Variants in CEMIP observed in about 807,000 individuals in gnomAD.
The protein encoded by CEMIP is cell migration-inducing and hyaluronan-binding protein.
CEMIP carries 105 observed loss-of-function variants against 156.9 expected under a neutral mutation model. The ratio of observed to expected loss-of-function variants is 0.67; its 90% CI spans 0.57 to 0.79. The LOEUF (loss-of-function observed/expected upper bound fraction) is 0.79, where lower values mean the gene tolerates loss of function less well. Among genes scored for constraint, CEMIP ranks in the 30% least tolerant of loss-of-function variants. The pLI is 0.00. For missense variants in CEMIP, 1,457 were observed against 1,769.4 expected (o/e 0.82, Z 3.17); for synonymous variants, 676 against 668.4 (o/e 1.01, Z -0.17).
intron 1 of CEMIP, among the ~76,000 whole-genome samples, chr15:80,839,987 G>A (rs1897359974): frequency 6.6e-6 from 1 of 152,194 alleles, no homozygotes; most frequent in South Asian, 2.1e-4. Flanking sequence ...CACCCAGCTG[G>A]GAAAGGTGGG....
chr15:80,944,501 G>A (rs923938049), intron 28 of CEMIP, among the ~76,000 whole-genome samples: 34 of 152,146 alleles, frequency 2.2e-4, no homozygotes, highest in African/African-American at 8.2e-4. Flanking sequence ...TGTGGTACCT[G>A]CTACATAGTA....
At chr15:80,875,611 C>T (rs1056707751) in intron 3 of CEMIP, among the ~76,000 whole-genome samples, 4 of 152,106 alleles carry the variant, frequency 2.6e-5, no homozygotes, top group Non-Finnish European at 4.4e-5. Flanking sequence ...GCCTCTGGTT[C>T]CCTCTGGCCT....
At chr15:80,919,385 A>C (rs1282733939) in intron 14 of CEMIP, among the ~76,000 whole-genome samples, 1 of 152,160 alleles carries the variant, frequency 6.6e-6, no homozygotes. Context: ...TGTGTGCTCC[A>C]TCAGGGTGGG....
chr15:80,814,252 C>T (rs992933147), intron 1 of CEMIP, among the ~76,000 whole-genome samples: 5 of 151,590 alleles, frequency 3.3e-5, no homozygotes, highest in African/African-American at 9.7e-5. Context: ...GGTTTCACCA[C>T]GTTAGCCAGG....
Position 80,873,937 on chromosome 15 carries a change from C to T in CEMIP, c.58C>T (p.Leu20Phe), listed in dbSNP as rs140931620. ...CAAGGCCATGCTGACCATCAGCTGG[C>T]TCACTCTGACCTGCTTCCCTGGGGC... ...LFKAMLTISW[L>F]TLTCFPGATS... Residue 20 changes from leucine (L) to phenylalanine (F), a missense_variant, in exon 3 of 30, where the codon CTC (leucine) becomes TTC (phenylalanine). Coordinates refer to ENST00000394685, the MANE Select transcript of CEMIP (RefSeq NM_001293298.2). 79 of 1,575,558 alleles carry T rather than the reference C, an allele frequency of 5.0e-5. No individual in the cohort carries two copies. In the African/African-American group the frequency reaches 9.9e-4, roughly 20 times the overall value.
chr15:80,797,735 C>G (rs1239242134), intron 1 of CEMIP, among the ~76,000 whole-genome samples: 2 of 152,196 alleles, frequency 1.3e-5, no homozygotes, highest in African/African-American at 4.8e-5. Flanking sequence ...GTGCCCATAA[C>G]AGCCCAGGGT....
At chr15:80,869,302 G>A (rs1450369370) in intron 1 of CEMIP, among the ~76,000 whole-genome samples, 1 of 152,174 alleles carries the variant, frequency 6.6e-6, no homozygotes, top group African/African-American at 2.4e-5. Context: ...TTCCACATAT[G>A]AATTTGGGGA....
intron 9 of CEMIP, 60 bp from the exon 10 acceptor site, chr15:80,889,411 A>G (rs1898959256): frequency 6.2e-7 from 1 of 1,611,578 alleles, no homozygotes; most frequent in South Asian, 1.1e-5. Flanking sequence ...GACAACACTG[A>G]GTGTGACTTG....
intron 1 of CEMIP, among the ~76,000 whole-genome samples, chr15:80,806,983 C>G (rs1015309513): frequency 2.6e-5 from 4 of 152,152 alleles, no homozygotes; most frequent in African/African-American, 9.7e-5. Context: ...AGAGCCTCAG[C>G]TTACAACACA....
At chr15:80,935,920 T>C (rs539189262) in intron 23 of CEMIP, among the ~76,000 whole-genome samples, 1 of 152,274 alleles carries the variant, frequency 6.6e-6, no homozygotes, top group Non-Finnish European at 1.5e-5. Context: ...GTATTTTTAG[T>C]AGAGGCAGGG....
chr15:80,786,772 C>A (rs1440755540), intron 1 of CEMIP, among the ~76,000 whole-genome samples: 1 of 152,112 alleles, frequency 6.6e-6, no homozygotes, highest in Admixed American at 6.5e-5. Flanking sequence ...GAGGGACAAA[C>A]AAAGTTGTGA....
At chr15:80,912,229 G>C (rs1045439773) in intron 14 of CEMIP, among the ~76,000 whole-genome samples, 7 of 152,372 alleles carry the variant, frequency 4.6e-5, no homozygotes, top group African/African-American at 1.7e-4. Context: ...CAGCAGTTCA[G>C]GGGTAGCCCA....
chr15:80,906,975 T>C lies in CEMIP; in HGVS notation c.1587+137T>C. ...TCAAGGGGAGGGCGCCTTCTGGAAG[T>C]TTGAGAAGTCTTATGTATTATCCAT... is the stretch of plus-strand genomic sequence containing the variant. On this transcript the variant is annotated intron_variant, in intron 13 of 29. Transcript: ENST00000394685. The surrounding 1 kb of genome is among the most constrained non-coding windows in gnomAD (Gnocchi z 4.3). 2 of 898,682 alleles carry C rather than the reference T, an allele frequency of 2.2e-6. No homozygotes were observed. Among genetic ancestry groups the C allele is most frequent in the South Asian group, 2.9e-5 (2 of 69,574 alleles). The allele number at this position is 898,682 out of a possible 1,614,324, so 55.7% of individuals were successfully genotyped here.
chr15:80,810,255 A>G (rs1212004702), intron 1 of CEMIP, among the ~76,000 whole-genome samples: 1 of 152,256 alleles, frequency 6.6e-6, no homozygotes, highest in Non-Finnish European at 1.5e-5. Flanking sequence ...TCTTACAAAT[A>G]TAGCCTACAA....
At chr15:80,781,029 T>C (rs911965874) in intron 1 of CEMIP, among the ~76,000 whole-genome samples, 1 of 152,142 alleles carries the variant, frequency 6.6e-6, no homozygotes, top group African/African-American at 2.4e-5. Context: ...TCTGTGGTTC[T>C]CTGGCTTTTC....
intron 1 of CEMIP, among the ~76,000 whole-genome samples, chr15:80,852,445 A>G (rs996013569): frequency 6.6e-6 from 1 of 152,028 alleles, no homozygotes; most frequent in African/African-American, 2.4e-5. Flanking sequence ...AGGAGCAACA[A>G]TATTATTCTA....
intron 1 of CEMIP, among the ~76,000 whole-genome samples, chr15:80,853,633 G>C (rs1193907160): frequency 6.6e-6 from 1 of 152,192 alleles, no homozygotes; most frequent in African/African-American, 2.4e-5. Flanking sequence ...GACTACTTGA[G>C]AGAGAAGATC....
intron 14 of CEMIP, 141 bp downstream of exon 14, chr15:80,909,447 T>G: frequency 3.5e-6 from 3 of 848,708 alleles, no homozygotes; most frequent in Non-Finnish European, 5.8e-6. Flanking sequence ...AGATATCAAC[T>G]GGGAGCAGAT....
At position 80,951,639 on chromosome 15, in the gene CEMIP, A is replaced by C. The variant is rs1901835666; in HGVS notation, c.*2715A>C. 6.6e-6 allele frequency: 1 copy of C among 152,610 alleles called. No homozygotes were observed. Among genetic ancestry groups the C allele is most frequent in the Admixed American group, 6.5e-5 (1 of 15,284 alleles). The allele number at this position is 152,610 out of a possible 1,614,324, so 9.5% of individuals were successfully genotyped here. A position where few individuals can be genotyped will look rare whatever the true frequency, so the allele number is the denominator to read the frequency against. ...TTCAAGAAGTCACTGTCAGAGAAAT[A>C]AAGAATTGTCTTAAATGTCATGATT... On this transcript the variant is annotated 3_prime_UTR_variant, in exon 30 of 30. Transcript: ENST00000394685.
Sources: allele counts gnomAD v4.1 joint callset (sites outside exome capture counted in the v4.1 genomes callset), GRCh38; gene constraint gnomAD v4.1.1; non-coding constraint Gnocchi (gnomAD v3.1); transcripts MANE v1.5; gene names NCBI Gene and HGNC (gene_info 2026-07-23, HGNC 2026-07-21).